The following STOX2 variants were observed in gnomAD, a reference collection of about 807,000 sequenced individuals.
The protein encoded by STOX2 is storkhead box 2, also known as storkhead-box protein 2.
Under a neutral mutation model 60.9 loss-of-function variants are expected in STOX2, and 28 were observed. That is an observed-to-expected ratio of 0.46 (90% CI 0.34 to 0.63). The LOEUF (loss-of-function observed/expected upper bound fraction) is 0.63, where lower values mean the gene tolerates loss of function less well. STOX2 is among the 30% of genes least tolerant of loss of function. The pLI, the probability that STOX2 is intolerant of heterozygous loss-of-function variation, is 0.01. For synonymous variants in STOX2, 472 were observed against 463.9 expected (o/e 1.02, Z -0.22); for missense variants, 1,024 against 1,187.7 (o/e 0.86, Z 2.03).
intron 1 of STOX2, among the ~76,000 whole-genome samples, chr4:183,866,531 G>C (rs1398671092): frequency 6.6e-6 from 1 of 151,984 alleles, no homozygotes; most frequent in African/African-American, 2.4e-5. Flanking sequence ...GATGGTGGAG[G>C]GGGAGGGGCT....
intron 1 of STOX2, among the ~76,000 whole-genome samples, chr4:183,822,766 G>T (rs145052688): frequency 0.014 from 2,099 of 152,328 alleles, 36 homozygotes; most frequent in African/African-American, 0.047. Context: ...CCGGTCTGTG[G>T]CCCAGGGGTT....
At chr4:183,970,182 G>GTAT (rs1560911416) in intron 1 of STOX2, among the ~76,000 whole-genome samples, 2 of 134,072 alleles carry the variant, frequency 1.5e-5, no homozygotes, top group African/African-American at 5.9e-5. Flanking sequence ...GTGTGTGTGT[G>GTAT]GGGTTCCAGC....
intron 1 of STOX2, among the ~76,000 whole-genome samples, chr4:183,995,291 CTTTTTTTTTTTTTTTT>C (rs61681165): frequency 1.3e-4 from 10 of 79,478 alleles, no homozygotes; most frequent in African/African-American, 1.9e-4. Context: ...TTATTTTAGT[CTTTTTTTTTTTTTTTT>C]TTTTTTTTTT....
Position 184,011,470 on chromosome 4 carries a change from G to A in STOX2, c.2585+47G>A. On this transcript the variant is annotated intron_variant, in intron 3 of 3. Transcript: ENST00000308497. This position sits in a 1 kb window ranked among gnomAD's most constrained non-coding sequence, Gnocchi z 4.4. Reference sequence around the variant, plus strand: ...CACACACATGCGCCTAGCGGGGCCTGGGGCTTTATGCACGTAACTTGACAA... The same window carrying A: ...CACACACATGCGCCTAGCGGGGCCTAGGGCTTTATGCACGTAACTTGACAA... 6.3e-7 allele frequency: 1 copy of A among 1,588,584 alleles called. No homozygotes were observed. Among genetic ancestry groups the A allele is most frequent in the Non-Finnish European group, 8.6e-7 (1 of 1,165,920 alleles).
chr4:183,827,923 C>T (rs929171723), intron 1 of STOX2, among the ~76,000 whole-genome samples: 1 of 151,264 alleles, frequency 6.6e-6, no homozygotes, highest in Non-Finnish European at 1.5e-5. Context: ...TTTATTGCCC[C>T]AGTATAACCT....
intron 1 of STOX2, among the ~76,000 whole-genome samples, chr4:183,820,071 A>C (rs1391294540): frequency 6.6e-6 from 1 of 152,112 alleles, no homozygotes; most frequent in East Asian, 1.9e-4. Flanking sequence ...ACACCATTAA[A>C]ATGATCTGAA....
At chr4:184,006,886 G>C (rs1357500039) in intron 2 of STOX2, among the ~76,000 whole-genome samples, 3 of 148,652 alleles carry the variant, frequency 2.0e-5, no homozygotes, top group Admixed American at 1.3e-4. Flanking sequence ...CGTAGTGGCG[G>C]GCGCCTGTAG....
intron 1 of STOX2, among the ~76,000 whole-genome samples, chr4:183,808,170 G>A (rs566494375): frequency 1.3e-5 from 2 of 152,336 alleles, no homozygotes; most frequent in East Asian, 1.9e-4. Context: ...GGAGGATACA[G>A]CTCAGTGAAC....
chr4:183,957,236 C>T (rs1381608432), intron 1 of STOX2, among the ~76,000 whole-genome samples: 1 of 151,196 alleles, frequency 6.6e-6, no homozygotes, highest in Non-Finnish European at 1.5e-5. Flanking sequence ...ATTGATGATA[C>T]TAAGTTTGAT....
chr4:184,015,868 C>G (rs1303018890), intron 3 of STOX2: 1 of 152,170 alleles, frequency 6.6e-6, no homozygotes, highest in African/African-American at 2.4e-5. Flanking sequence ...TTTCTTGTAG[C>G]CACATTGAGG....
intron 1 of STOX2, among the ~76,000 whole-genome samples, chr4:183,888,508 C>T (rs374950751): frequency 1.6e-4 from 24 of 152,282 alleles, no homozygotes; most frequent in African/African-American, 5.3e-4. Context: ...ACCATGAGCC[C>T]ATGTCCTGTT....
intron 1 of STOX2, among the ~76,000 whole-genome samples, chr4:183,923,000 G>A (rs1050193039): frequency 5.9e-5 from 9 of 152,124 alleles, no homozygotes; most frequent in African/African-American, 2.2e-4. Context: ...CATTGCCCAC[G>A]TGTACCATGT....
chr4:183,931,111 T>C (rs1022065209), intron 1 of STOX2, among the ~76,000 whole-genome samples: 1 of 152,184 alleles, frequency 6.6e-6, no homozygotes, highest in African/African-American at 2.4e-5. Flanking sequence ...TCATTTATCA[T>C]CTACTATAAT....
intron 1 of STOX2, among the ~76,000 whole-genome samples, chr4:183,925,938 A>C (rs1742229797): frequency 6.6e-6 from 1 of 151,854 alleles, no homozygotes; most frequent in Admixed American, 6.6e-5. Flanking sequence ...TATTTATGGC[A>C]GTTATTTGTC....
At chr4:183,803,295 T>G (rs1409267146) in intron 1 of STOX2, among the ~76,000 whole-genome samples, 1 of 152,084 alleles carries the variant, frequency 6.6e-6, no homozygotes, top group African/African-American at 2.4e-5. Context: ...TCACTGGTTT[T>G]GAACTCCTGG....
At chr4:183,831,784 T>C (rs1449571780) in intron 1 of STOX2, among the ~76,000 whole-genome samples, 1 of 152,092 alleles carries the variant, frequency 6.6e-6, no homozygotes, top group Non-Finnish European at 1.5e-5. Context: ...GATAAATAAA[T>C]TTTGTTAAGC....
chr4:183,841,181 A>ATCTG (rs907745058), intron 1 of STOX2, among the ~76,000 whole-genome samples: 3 of 129,106 alleles, frequency 2.3e-5, no homozygotes, highest in Admixed American at 7.4e-5. Context: ...TCATCGTAGT[A>ATCTG]TTTATTTATT....
At chr4:183,924,605 C>G (rs114111286) in intron 1 of STOX2, among the ~76,000 whole-genome samples, 176 of 152,212 alleles carry the variant, frequency 1.2e-3, no homozygotes, top group African/African-American at 4.1e-3. Context: ...CTTAATGAGT[C>G]CCAGACAGAC....
intron 1 of STOX2, among the ~76,000 whole-genome samples, chr4:183,989,169 GTTTTTTTTT>G (rs11421201): frequency 1.2e-5 from 1 of 80,012 alleles, no homozygotes; most frequent in Admixed American, 1.3e-4. Context: ...ATTTTTTCTG[GTTTTTTTTT>G]TTTTTTTTTT....
Sources: allele counts gnomAD v4.1 joint callset (sites outside exome capture counted in the v4.1 genomes callset), GRCh38; gene constraint gnomAD v4.1.1; non-coding constraint Gnocchi (gnomAD v3.1); transcripts MANE v1.5; gene names NCBI Gene and HGNC (gene_info 2026-07-23, HGNC 2026-07-21).